The following PRDM7 variants were observed in gnomAD, a reference collection of about 807,000 sequenced individuals.
PRDM7 encodes the protein PR/SET domain 7, also known as histone-lysine N-methyltransferase PRDM7.
In PRDM7, 52 loss-of-function variants were observed where a neutral mutation model predicts 64.3. The ratio of observed to expected loss-of-function variants is 0.81; its 90% confidence interval spans 0.65 to 1.02. The LOEUF is 1.02. PRDM7 is among the 50% of genes least tolerant of loss of function. The pLI is 0.00. For synonymous variants in PRDM7, 192 were observed against 210.1 expected (o/e 0.91, Z 0.74); for missense variants, 574 against 597.1 (o/e 0.96, Z 0.40).
In PRDM7 at chr16:90,075,977, G is replaced by T; in HGVS notation, c.-67C>A. On this transcript the variant is annotated 5_prime_UTR_variant, in exon 2 of 11. It adds an upstream start codon to the 5' untranslated region. Transcript: ENST00000449207. The surrounding 1 kb of genome is among the most constrained non-coding windows in gnomAD (Gnocchi z 4.3). ...GTGGGAAGGGCCCCTGAGTCTCCCA[G>T]CTCCTAGGCCAAAGGCTCCTGTGGA... is the stretch of plus-strand genomic sequence containing the variant. 6.5e-7 allele frequency: 1 copy of T among 1,540,762 alleles called. No individual in the cohort carries two copies. The highest frequency in any genetic ancestry group is 8.9e-7 in the Non-Finnish European group (1 of 1,127,152).
In PRDM7 at chr16:90,068,585, A is replaced by G. The variant is rs2037913051; in HGVS notation, c.302-1675T>C. 3.3e-5 allele frequency among the ~76,000 whole-genome samples: 5 copies of G among 149,848 alleles called. 1 individual carries two copies. The South Asian group carries it at 8.3e-4, about 25-fold the overall frequency. ...TGGAAGTGGAGCTTGTAGTGAGCCG[A>G]TATCATGCCACTGCACTCCAGCCTG... On this transcript the variant is annotated intron_variant, in intron 4 of 10. Coordinates refer to ENST00000449207, the MANE Select transcript of PRDM7 (RefSeq NM_001098173.2).
At position 90,062,004 on chromosome 16, in the gene PRDM7, G is replaced by A; in HGVS notation, c.799C>T (p.Leu267=). The A allele has an allele frequency of 6.2e-7, 1 of 1,614,276 alleles. No homozygotes were observed. The highest frequency in any genetic ancestry group is 8.5e-7 in the Non-Finnish European group (1 of 1,180,058). Residue 267 remains leucine (L), a synonymous_variant, in exon 8 of 11, where the codon CTG becomes TTG. Transcript: ENST00000449207. ...GLGVWNEASD[L]PLGLHFGPYE... ...GGGCCAAAGTGCAGACCCAGTGGCA[G>A]ATCAGATGCCTCGTTCCATACTCCA...
chr16:90,061,405 T>C (rs2037774072), intron 9 of PRDM7, 47 bp downstream of exon 9: 1 of 1,526,682 alleles, frequency 6.6e-7, no homozygotes, highest in Non-Finnish European at 9.1e-7. Context: ...TCCGGGTTTG[T>C]GAGAGATGGA....
Position 90,058,023 on chromosome 16 carries a change from G to A in PRDM7, c.*266C>T, listed in dbSNP as rs193256187. On this transcript the variant is annotated 3_prime_UTR_variant, in exon 11 of 11. Transcript: ENST00000449207. ...AAGCCCTCCCACACTCTCTGCAGAC[G>A]TAGGGCTTCCCCCCTGTGTGTGTCC... 4.6e-5 allele frequency: 74 copies of A among 1,608,880 alleles called. No individual in the cohort carries two copies. The highest frequency in any genetic ancestry group is 8.0e-5 in the African/African-American group (6 of 74,716).
chr16:90,062,330 G>C (rs2037794797), intron 7 of PRDM7, 71 bp downstream of exon 7: 1 of 1,613,420 alleles, frequency 6.2e-7, no homozygotes. Context: ...AATGATTTGT[G>C]GGCCAAATGA....
At chr16:90,076,218 C>T (rs1245643102) in intron 1 of PRDM7, among the ~76,000 whole-genome samples, 2 of 152,116 alleles carry the variant, frequency 1.3e-5, no homozygotes, top group East Asian at 1.9e-4. Flanking sequence ...TTTTAGTTCC[C>T]CTGCAGCTTG....
At chr16:90,061,019 A>G (rs1299232505) in intron 9 of PRDM7, among the ~76,000 whole-genome samples, 2 of 152,188 alleles carry the variant, frequency 1.3e-5, no homozygotes, top group African/African-American at 2.4e-5. Flanking sequence ...TCTTGGCCCA[A>G]TAACATAGAA....
Position 90,058,322 on chromosome 16 carries a change from C to T in PRDM7, c.1446G>A (p.Lys482=). ...TTGGACCTTTCTTTGATCTCTTGAC[C>T]TTTGGTTTTGTCATTACAGCAGCGT... The part of the protein sequence containing the change: ...LIHAAVMTKP[K]VKRSKKGPNS The change falls in exon 11 of 11, where the codon AAG becomes AAA. Residue 482 remains lysine, a synonymous_variant. Transcript: ENST00000449207. The T allele has an allele frequency of 6.2e-7, 1 of 1,614,158 alleles. No individual in the cohort carries two copies. The highest frequency in any genetic ancestry group is 8.5e-7 in the Non-Finnish European group (1 of 1,180,028).
intron 4 of PRDM7, among the ~76,000 whole-genome samples, chr16:90,067,385 T>C (rs1213785828): frequency 6.6e-6 from 1 of 151,082 alleles, no homozygotes; most frequent in East Asian, 1.9e-4. Context: ...TATGCTTCTA[T>C]TGGGGGCATT....
Position 90,066,842 on chromosome 16 carries a change from G to C in PRDM7, c.351+19C>G. The C allele has an allele frequency of 6.4e-7, 1 of 1,565,458 alleles. No homozygotes were observed. The highest frequency in any genetic ancestry group is 8.8e-7 in the Non-Finnish European group (1 of 1,138,924). On this transcript the variant is annotated intron_variant, in intron 5 of 10. Coordinates refer to ENST00000449207, the MANE Select transcript of PRDM7 (RefSeq NM_001098173.2). ...CTATGAGGAAGGTTTCTTGTCAACAGGATTTGGGAGATACTTACCTTCTGG... is the reference window on the plus strand; with the variant it reads ...CTATGAGGAAGGTTTCTTGTCAACACGATTTGGGAGATACTTACCTTCTGG...
chr16:90,075,339 A>G lies in PRDM7; in HGVS notation c.193+12T>C. ...TCGCCCAGGCTGGTCTGTGCCCAGC[A>G]CTTCCTGTTACCTACAGTAATCAGT... On this transcript the variant is annotated intron_variant, in intron 3 of 10. Transcript: ENST00000449207. This position sits in a 1 kb window ranked among gnomAD's most constrained non-coding sequence, Gnocchi z 4.3. 1 of 1,614,242 alleles carries G rather than the reference A, an allele frequency of 6.2e-7. No individual in the cohort carries two copies. Among genetic ancestry groups the G allele is most frequent in the Non-Finnish European group, 8.5e-7 (1 of 1,180,044 alleles).
Position 90,061,987 on chromosome 16 carries a change from G to C in PRDM7, c.816C>G (p.His272Gln), listed in dbSNP as rs376519199. The stretch of plus-strand genomic sequence containing the variant: ...TAATTCGGCCCTCATAGGGGCCAAA[G>C]TGCAGACCCAGTGGCAGATCAGATG... ...NEASDLPLGL[H>Q]FGPYEGRITE... is the part of the protein sequence containing the mutation. Residue 272 changes from histidine to glutamine, a missense_variant, in exon 8 of 11, where the codon CAC (histidine) becomes CAG (glutamine). Transcript: ENST00000449207. The C allele has an allele frequency of 1.2e-6, 2 of 1,614,258 alleles. No homozygotes were observed. Among genetic ancestry groups the C allele is most frequent in the South Asian group, 1.1e-5 (1 of 91,086 alleles).
Position 90,059,313 on chromosome 16 carries a change from G to C in PRDM7, c.1234-779C>G, listed in dbSNP as rs989127604. 2.0e-5 allele frequency among the ~76,000 whole-genome samples: 3 copies of C among 152,164 alleles called. No homozygotes were observed. The East Asian group carries it at 5.8e-4, about 29-fold the overall frequency. On this transcript the variant is annotated intron_variant, in intron 10 of 10. Coordinates refer to ENST00000449207, the MANE Select transcript of PRDM7 (RefSeq NM_001098173.2). ...TGCTCTTTGTCAGGCTGCACATCAA[G>C]TATTCATGTCTGAGTTATTTCATTC...
intron 4 of PRDM7, among the ~76,000 whole-genome samples, chr16:90,074,375 G>A (rs2038005085): frequency 6.6e-6 from 1 of 151,694 alleles, no homozygotes; most frequent in Non-Finnish European, 1.5e-5. Flanking sequence ...CCAGGAATTC[G>A]AGACCAGCCT....
chr16:90,076,662 T>C (rs1011250673), intron 1 of PRDM7, among the ~76,000 whole-genome samples: 3 of 152,074 alleles, frequency 2.0e-5, no homozygotes, highest in Non-Finnish European at 2.9e-5. Flanking sequence ...ATTAGGGGTC[T>C]TTTAGGCTGA....
chr16:90,062,338 T>G, intron 7 of PRDM7, 63 bp downstream of exon 7: 1 of 1,613,646 alleles, frequency 6.2e-7, no homozygotes, highest in South Asian at 1.1e-5. Flanking sequence ...GTGGGCCAAA[T>G]GATGAAATTA....
chr16:90,057,874 G>A lies in PRDM7; in HGVS notation c.*415C>T, dbSNP rs1251445637. 1 of 1,516,336 alleles carries A rather than the reference G, an allele frequency of 6.6e-7. No homozygotes were observed. Among genetic ancestry groups the A allele is most frequent in the Admixed American group, 1.8e-5 (1 of 57,076 alleles). The allele number at this position is 1,516,336 out of a possible 1,614,324, so 93.9% of individuals were successfully genotyped here. On this transcript the variant is annotated 3_prime_UTR_variant, in exon 11 of 11. Transcript: ENST00000449207. The stretch of plus-strand genomic sequence containing the variant: ...TCCTGCAGACTGGGGCGTCTCCCCT[G>A]TGTGTCCTCTGGTGAATGAGGAGGA...
At chr16:90,066,187 T>G (rs1435000396) in intron 5 of PRDM7, among the ~76,000 whole-genome samples, 2 of 151,356 alleles carry the variant, frequency 1.3e-5, no homozygotes, top group Non-Finnish European at 2.9e-5. Context: ...TCTTCGAACC[T>G]GAAACCCTTC....
In PRDM7 at chr16:90,057,689, T is replaced by C. The variant is rs528262775; in HGVS notation, c.*600A>G. The C allele has an allele frequency of 8.6e-7, 1 of 1,168,350 alleles. No individual in the cohort carries two copies. The highest frequency in any genetic ancestry group is 5.8e-5 in the East Asian group (1 of 17,288). 72.4% of individuals were successfully genotyped at this position (1,168,350 alleles called of 1,614,324 possible). A position where few individuals can be genotyped will look rare whatever the true frequency, so the allele number is the denominator to read the frequency against. Reference sequence around the variant, plus strand: ...TCATGAAAGTGGCGGATTTGTTTAATTAGTTATTTCCGATCTCTTTACACT... The same window carrying C: ...TCATGAAAGTGGCGGATTTGTTTAACTAGTTATTTCCGATCTCTTTACACT... On this transcript the variant is annotated 3_prime_UTR_variant, in exon 11 of 11. Transcript: ENST00000449207.
Sources: gnomAD v4.1 joint callset for allele counts (sites outside exome capture counted in the v4.1 genomes callset) on GRCh38, gnomAD v4.1.1 for gene constraint, Gnocchi (gnomAD v3.1) non-coding constraint, MANE v1.5 for transcripts, NCBI Gene and HGNC (gene_info 2026-07-23, HGNC 2026-07-21) for gene names.